The following DAB1 variants were observed in gnomAD, a reference collection of about 807,000 sequenced individuals.
DAB1 encodes disabled homolog 1.
In DAB1, 15 loss-of-function variants were observed where a neutral mutation model predicts 64.6. The ratio of observed to expected loss-of-function variants is 0.23; its 90% CI spans 0.16 to 0.36. The LOEUF (loss-of-function observed/expected upper bound fraction) is 0.36. DAB1 is among the 10% of genes least tolerant of loss of function. The pLI is 1.00. For missense variants in DAB1, 596 were observed against 706.7 expected (o/e 0.84, Z 1.78); for synonymous variants, 235 against 251.9 (o/e 0.93, Z 0.64).
At chr1:58,235,066 G>A (rs980749810) in intron 4 of DAB1, among the ~76,000 whole-genome samples, 1 of 152,202 alleles carries the variant, frequency 6.6e-6, no homozygotes, top group Non-Finnish European at 1.5e-5. Flanking sequence ...AAGTTAATCC[G>A]GCCCCTCGCC....
intron 2 of DAB1, among the ~76,000 whole-genome samples, chr1:57,274,887 T>C (rs1279808510): frequency 3.1e-5 from 1 of 31,812 alleles, no homozygotes; most frequent in Non-Finnish European, 5.1e-5. Context: ...CAGCCAAATT[T>C]TTTTTTTTTT....
At chr1:58,093,651 G>A (rs1392446665) in intron 5 of DAB1, among the ~76,000 whole-genome samples, 1 of 151,354 alleles carries the variant, frequency 6.6e-6, no homozygotes, top group Non-Finnish European at 1.5e-5. Flanking sequence ...GTGCCAAAAA[G>A]GTTGGGGACC....
intron 4 of DAB1, among the ~76,000 whole-genome samples, chr1:58,195,458 C>CA (rs563661916): frequency 8.6e-4 from 130 of 151,498 alleles, no homozygotes; most frequent in Admixed American, 8.5e-4. Flanking sequence ...AGAGGTCTGG[C>CA]AAAAAAATGG....
chr1:58,269,473 A>G (rs1207341516), intron 4 of DAB1, among the ~76,000 whole-genome samples: 1 of 150,618 alleles, frequency 6.6e-6, no homozygotes, highest in African/African-American at 2.4e-5. Context: ...CGCAATAAAC[A>G]TACGTCTTTA....
intron 5 of DAB1, among the ~76,000 whole-genome samples, chr1:57,970,070 A>G (rs901433058): frequency 1.3e-5 from 2 of 152,184 alleles, no homozygotes; most frequent in African/African-American, 4.8e-5. Context: ...GGACACAGAG[A>G]GAAGGCACCG....
chr1:57,803,897 T>C (rs942670734), intron 6 of DAB1, among the ~76,000 whole-genome samples: 9 of 152,216 alleles, frequency 5.9e-5, no homozygotes, highest in African/African-American at 1.9e-4. Context: ...TCAATTTAAT[T>C]GTGATGGTTA....
chr1:58,481,122 G>C (rs1312992061), intron 3 of DAB1: 2 of 871,584 alleles, frequency 2.3e-6, no homozygotes, highest in African/African-American at 1.6e-5. Flanking sequence ...TAGTAATCGA[G>C]GGTCTGGATT....
At chr1:57,321,911 T>C (rs1344012683) in intron 1 of DAB1, among the ~76,000 whole-genome samples, 1 of 152,162 alleles carries the variant, frequency 6.6e-6, no homozygotes, top group Non-Finnish European at 1.5e-5. Flanking sequence ...ATCCAGTCTC[T>C]GCTAGAACAT....
intron 5 of DAB1, among the ~76,000 whole-genome samples, chr1:58,037,778 C>T (rs540054415): frequency 2.6e-5 from 4 of 152,278 alleles, no homozygotes; most frequent in Non-Finnish European, 5.9e-5. Context: ...TGCTTACCTT[C>T]CTTCCTTTCC....
At chr1:57,605,312 T>C (rs1298156405) in intron 7 of DAB1, among the ~76,000 whole-genome samples, 5 of 152,212 alleles carry the variant, frequency 3.3e-5, no homozygotes, top group Non-Finnish European at 5.9e-5. Flanking sequence ...GGTGTTGGTG[T>C]TGCTTGTAGC....
At chr1:58,073,076 T>C (rs1649375195) in intron 5 of DAB1, among the ~76,000 whole-genome samples, 1 of 152,190 alleles carries the variant, frequency 6.6e-6, no homozygotes, top group Admixed American at 6.5e-5. Context: ...CAGAAGCTCA[T>C]AGAAGTCAAG....
At chr1:58,102,730 C>G (rs1199687498) in intron 5 of DAB1, among the ~76,000 whole-genome samples, 1 of 152,120 alleles carries the variant, frequency 6.6e-6, no homozygotes, top group African/African-American at 2.4e-5. Flanking sequence ...AGAATATATG[C>G]TATGTGATAA....
At chr1:57,663,083 C>T (rs1185290782) in intron 6 of DAB1, among the ~76,000 whole-genome samples, 1 of 152,100 alleles carries the variant, frequency 6.6e-6, no homozygotes, top group Non-Finnish European at 1.5e-5. Context: ...CTCACAGTTC[C>T]ACAGGCTGTA....
At chr1:57,517,302 T>C (rs994284618) in intron 7 of DAB1, among the ~76,000 whole-genome samples, 7 of 152,160 alleles carry the variant, frequency 4.6e-5, no homozygotes, top group Admixed American at 1.3e-4. Context: ...TCTCTTATTG[T>C]TTATTTGTAT....
At chr1:57,551,400 G>A (rs1644912887) in intron 7 of DAB1, among the ~76,000 whole-genome samples, 1 of 152,170 alleles carries the variant, frequency 6.6e-6, no homozygotes, top group Non-Finnish European at 1.5e-5. Flanking sequence ...CAGGGCAGGT[G>A]CATGATAATA....
chr1:58,287,279 A>G (rs934857790), intron 4 of DAB1, among the ~76,000 whole-genome samples: 2 of 152,196 alleles, frequency 1.3e-5, no homozygotes, highest in Non-Finnish European at 2.9e-5. Context: ...CCTATGTTAC[A>G]TAGGTAACAT....
At chr1:57,441,976 C>A (rs1570523788) in intron 7 of DAB1, among the ~76,000 whole-genome samples, 2 of 152,272 alleles carry the variant, frequency 1.3e-5, no homozygotes, top group African/African-American at 4.8e-5. Flanking sequence ...TAATAGCTAT[C>A]TGACTGGTGT....
At chr1:57,212,169 C>T (rs1398262098) in intron 2 of DAB1, among the ~76,000 whole-genome samples, 1 of 152,008 alleles carries the variant, frequency 6.6e-6, no homozygotes, top group Non-Finnish European at 1.5e-5. Context: ...CTGTATCTGG[C>T]CATGAAGTCA....
chr1:57,025,236 AATGC>A (rs1202908563), intron 10 of DAB1, among the ~76,000 whole-genome samples: 3 of 152,086 alleles, frequency 2.0e-5, no homozygotes, highest in Non-Finnish European at 1.5e-5. Flanking sequence ...ATTGCTTTTG[AATGC>A]ATCCAGCACT....
Sources: allele counts gnomAD v4.1 joint callset (sites outside exome capture counted in the v4.1 genomes callset), GRCh38; gene constraint gnomAD v4.1.1; transcripts MANE v1.5; gene names NCBI Gene and HGNC (gene_info 2026-07-23, HGNC 2026-07-21).